Variants in ADARB1 observed in about 807,000 individuals in gnomAD.
ADARB1 encodes double-stranded RNA-specific editase 1.
A neutral mutation model predicts 52.4 loss-of-function variants in ADARB1; 10 were observed. The ratio of observed to expected loss-of-function variants is 0.19; its 90% CI spans 0.12 to 0.32. The LOEUF is 0.32. Among genes scored for constraint, ADARB1 ranks in the 10% least tolerant of loss-of-function variants. The pLI, the probability that ADARB1 is intolerant of heterozygous loss-of-function variation, is 1.00. For synonymous variants in ADARB1, 349 were observed against 371.1 expected, an observed-to-expected ratio of 0.94 and a Z score of 0.68; for missense variants, 643 against 922.3, an observed-to-expected ratio of 0.70 and a Z score of 3.92.
At chr21:45,102,967 G>A (rs571260527) in intron 1 of ADARB1, among the ~76,000 whole-genome samples, 2 of 152,330 alleles carry the variant, frequency 1.3e-5, no homozygotes, top group South Asian at 2.1e-4. Flanking sequence ...CGGTGACAGG[G>A]TGTGCCTGAT....
intron 2 of ADARB1, among the ~76,000 whole-genome samples, chr21:45,146,683 CGTGA>C (rs1449868552): frequency 6.6e-6 from 1 of 152,308 alleles, no homozygotes; most frequent in African/African-American, 2.4e-5. Context: ...CTTTTGAAAA[CGTGA>C]GTGTGTCCAG....
intron 8 of ADARB1, among the ~76,000 whole-genome samples, chr21:45,203,812 T>TC (rs2092611697): frequency 6.6e-6 from 1 of 152,204 alleles, no homozygotes; most frequent in Non-Finnish European, 1.5e-5. Context: ...AGTATAGTGG[T>TC]CCCCGCTTCT....
intron 1 of ADARB1, among the ~76,000 whole-genome samples, chr21:45,109,991 G>A (rs911806405): frequency 6.6e-6 from 1 of 152,112 alleles, no homozygotes; most frequent in Non-Finnish European, 1.5e-5. Context: ...CTGCAAGTGC[G>A]GTGTGAGCAT....
At chr21:45,154,326 C>T (rs2090448561) in intron 2 of ADARB1, among the ~76,000 whole-genome samples, 2 of 152,186 alleles carry the variant, frequency 1.3e-5, no homozygotes, top group Admixed American at 6.5e-5. Flanking sequence ...TGTTAGTTCT[C>T]GCTGTTGGTA....
chr21:45,099,191 A>C (rs2086893390), intron 1 of ADARB1, among the ~76,000 whole-genome samples: 1 of 152,110 alleles, frequency 6.6e-6, no homozygotes, highest in South Asian at 2.1e-4. Flanking sequence ...TTGATTCCAC[A>C]TTTCTCCTTG....
chr21:45,138,189 C>G (rs191688862), intron 2 of ADARB1, among the ~76,000 whole-genome samples: 182 of 152,306 alleles, frequency 1.2e-3, no homozygotes, highest in South Asian at 0.011. Context: ...CCTGCACTTG[C>G]TATTGTTTGA....
chr21:45,208,333 G>C lies in ADARB1; in HGVS notation c.1747+3597G>C, dbSNP rs2092703292. 1.3e-5 allele frequency among the ~76,000 whole-genome samples: 2 copies of C among 152,196 alleles called. No homozygotes were observed. Among genetic ancestry groups the C allele is most frequent in the Non-Finnish European group, 2.9e-5 (2 of 68,024 alleles). On this transcript the variant is annotated intron_variant, in intron 9 of 10. Transcript: ENST00000348831. This position sits in a 1 kb window ranked among gnomAD's most constrained non-coding sequence, Gnocchi z 5.6. ...TTCCTATCCTGCTGGTTTTCATGTTGAATGTTGGCACGAAACGTTAACAAA... is the reference window on the plus strand; with the variant it reads ...TTCCTATCCTGCTGGTTTTCATGTTCAATGTTGGCACGAAACGTTAACAAA...
At chr21:45,201,286 A>T (rs1488153561) in intron 8 of ADARB1, among the ~76,000 whole-genome samples, 1 of 152,192 alleles carries the variant, frequency 6.6e-6, no homozygotes, top group Non-Finnish European at 1.5e-5. Flanking sequence ...GAGGTGCATT[A>T]GTGGAAGCTG....
At chr21:45,101,634 A>G (rs964416484) in intron 1 of ADARB1, among the ~76,000 whole-genome samples, 2 of 152,228 alleles carry the variant, frequency 1.3e-5, no homozygotes, top group Non-Finnish European at 2.9e-5. Context: ...TTGCTTTTGG[A>G]AATTGTAATG....
At chr21:45,136,094 G>A (rs1276747376) in intron 2 of ADARB1, among the ~76,000 whole-genome samples, 1 of 152,154 alleles carries the variant, frequency 6.6e-6, no homozygotes, top group African/African-American at 2.4e-5. Context: ...GGATCGGAGG[G>A]AGGGGAGTAA....
chr21:45,121,291 G>A (rs923926617), intron 1 of ADARB1, among the ~76,000 whole-genome samples: 2 of 152,206 alleles, frequency 1.3e-5, no homozygotes, highest in African/African-American at 4.8e-5. Flanking sequence ...CTTCTGGAAT[G>A]TGTCCCTTAG....
In ADARB1 at chr21:45,223,432, C is replaced by T. The variant is rs1338463627; in HGVS notation, c.*1235C>T. Reference sequence around the variant, plus strand: ...CCCGGGAGGTCAGGAGCGCGGCGGGCGAGGGCCCTGTGTGGACCACCTCCA... The same window carrying T: ...CCCGGGAGGTCAGGAGCGCGGCGGGTGAGGGCCCTGTGTGGACCACCTCCA... On this transcript the variant is annotated 3_prime_UTR_variant, in exon 11 of 11. Transcript: ENST00000348831. 5 of 985,652 alleles carry T rather than the reference C, an allele frequency of 5.1e-6. No individual in the cohort carries two copies. Among genetic ancestry groups the T allele is most frequent in the East Asian group, 2.3e-4 (2 of 8,834 alleles). 61.1% of individuals were successfully genotyped at this position (985,652 alleles called of 1,614,324 possible).
At chr21:45,112,492 G>A (rs185973224) in intron 1 of ADARB1, among the ~76,000 whole-genome samples, 84 of 151,838 alleles carry the variant, frequency 5.5e-4, no homozygotes, top group Admixed American at 2.6e-3. Context: ...GCTTGGGGTC[G>A]GGGGTGAGCC....
intron 2 of ADARB1, among the ~76,000 whole-genome samples, chr21:45,147,073 C>T (rs995465189): frequency 6.6e-6 from 1 of 152,198 alleles, no homozygotes; most frequent in African/African-American, 2.4e-5. Flanking sequence ...ACTAGGTCTT[C>T]TCAGCCAGAT....
intron 8 of ADARB1, among the ~76,000 whole-genome samples, chr21:45,196,422 A>T (rs2092427301): frequency 6.6e-6 from 1 of 152,224 alleles, no homozygotes; most frequent in Admixed American, 6.5e-5. Context: ...GAAACAGGAG[A>T]TAATGTTTGT....
rs2146469242 is a variant in ADARB1 at position 45,221,964 on chromosome 21, G to A, written c.1927-54G>A. On this transcript the variant is annotated intron_variant, in intron 10 of 10. Transcript: ENST00000348831. This position sits in a 1 kb window ranked among gnomAD's most constrained non-coding sequence, Gnocchi z 4.9. ...ATGTTTTGGTATCTTATTAGGTGTT[G>A]TTTTCATCTGTTACAGCGTCAACAG... is the stretch of plus-strand genomic sequence containing the variant. The A allele has an allele frequency of 6.4e-7, 1 of 1,572,968 alleles. No individual in the cohort carries two copies. Among genetic ancestry groups the A allele is most frequent in the Admixed American group, 1.7e-5 (1 of 58,708 alleles).
chr21:45,138,058 A>T (rs2089492324), intron 2 of ADARB1, among the ~76,000 whole-genome samples: 1 of 152,224 alleles, frequency 6.6e-6, no homozygotes, highest in Admixed American at 6.5e-5. Flanking sequence ...CCTCAGTGGC[A>T]TCACTGATTT....
intron 2 of ADARB1, among the ~76,000 whole-genome samples, chr21:45,158,032 G>A (rs1245726677): frequency 1.3e-5 from 2 of 152,232 alleles, no homozygotes. Flanking sequence ...ACCTCGGGGT[G>A]ATCACTGATT....
intron 1 of ADARB1, among the ~76,000 whole-genome samples, chr21:45,108,652 G>T (rs2838784): frequency 0.028 from 4,187 of 152,220 alleles, 55 homozygotes; most frequent in South Asian, 0.053. Context: ...AAACCTAGGG[G>T]TTTAAATTTA....
Sources: gnomAD v4.1 joint callset for allele counts (sites outside exome capture counted in the v4.1 genomes callset) on GRCh38, gnomAD v4.1.1 for gene constraint, Gnocchi (gnomAD v3.1) non-coding constraint, MANE v1.5 for transcripts, NCBI Gene and HGNC (gene_info 2026-07-23, HGNC 2026-07-21) for gene names.